The following CAPRIN2 variants were observed in gnomAD, a reference collection of about 807,000 sequenced individuals.
CAPRIN2 encodes the protein caprin family member 2.
CAPRIN2 carries 66 observed loss-of-function variants against 130.4 expected under a neutral mutation model. That is an observed-to-expected ratio of 0.51 (90% CI 0.42 to 0.62). The LOEUF is 0.62. Ranked by LOEUF, CAPRIN2 falls within the 20% of genes least tolerant of loss-of-function variation. The probability of loss-of-function intolerance (pLI) is 0.00; values close to 1 mark genes in which losing one functional copy is unlikely to be tolerated. For synonymous variants in CAPRIN2, 471 were observed against 444.1 expected (o/e 1.06, Z -0.76); for missense variants, 1,185 against 1,246.6 (o/e 0.95, Z 0.74).
chr12:30,716,301 C>G, intron 13 of CAPRIN2: 1 of 490,522 alleles, frequency 2.0e-6, no homozygotes, highest in Non-Finnish European at 3.6e-6. Context: ...CATCTAAGTT[C>G]TATCTCTACA....
intron 2 of CAPRIN2, among the ~76,000 whole-genome samples, chr12:30,744,029 C>T (rs541533933): frequency 1.3e-5 from 2 of 152,284 alleles, no homozygotes; most frequent in Admixed American, 6.5e-5. Flanking sequence ...CTCCCAAAAC[C>T]TCCTTCTGCC....
chr12:30,715,424 C>A, intron 13 of CAPRIN2: 1 of 513,264 alleles, frequency 1.9e-6, no homozygotes. Flanking sequence ...TTCAAAAGCA[C>A]AAATATTGTA....
chr12:30,727,273 G>C (rs1031877911), intron 8 of CAPRIN2, among the ~76,000 whole-genome samples: 2 of 152,026 alleles, frequency 1.3e-5, no homozygotes, highest in Non-Finnish European at 2.9e-5. Context: ...TCTTCTGTAG[G>C]GTCAGGAAGA....
chr12:30,730,120 A>G (rs1219829022), intron 7 of CAPRIN2, 119 bp downstream of exon 8: 13 of 754,768 alleles, frequency 1.7e-5, no homozygotes, highest in Non-Finnish European at 2.9e-5. Context: ...CTAAGCTAGT[A>G]AACTGCAGAA....
In CAPRIN2 at chr12:30,710,446, A is replaced by G. The variant is rs756585609; in HGVS notation, c.2690T>C (p.Val897Ala). The G allele has an allele frequency of 1.9e-6, 3 of 1,614,070 alleles. No homozygotes were observed. Among genetic ancestry groups the G allele is most frequent in the South Asian group, 2.2e-5 (2 of 91,082 alleles). ...TTCGTTGTCTCTTTCTGGGCTGCTCACCTGAGAAGAATCACTCCACCCTGC... is the reference window on the plus strand; with the variant it reads ...TTCGTTGTCTCTTTCTGGGCTGCTCGCCTGAGAAGAATCACTCCACCCTGC... The change falls in exon 17 of 17, where the codon GTG (valine) becomes GCG (alanine). Residue 897 changes from valine (V) to alanine (A), a missense_variant. By Grantham distance (64) the Val-to-Ala change is moderately conservative. Coordinates refer to ENST00000298892, the Ensembl canonical transcript of CAPRIN2. This position sits in a 1 kb window ranked among gnomAD's most constrained non-coding sequence, Gnocchi z 4.8.
At chr12:30,725,079 C>T (rs1386870603) in intron 9 of CAPRIN2, among the ~76,000 whole-genome samples, 1 of 152,202 alleles carries the variant, frequency 6.6e-6, no homozygotes, top group African/African-American at 2.4e-5. Flanking sequence ...AGGTCCTAAA[C>T]ATAGCCATCA....
chr12:30,741,092 T>C (rs2067235107), exon 3 of CAPRIN2: 1 of 1,605,660 alleles, frequency 6.2e-7, no homozygotes, highest in Non-Finnish European at 8.5e-7. Flanking sequence ...CTTCTTCATA[T>C]TTCTCTACAG....
chr12:30,723,262 T>C, exon 11 of CAPRIN2: 1 of 1,608,936 alleles, frequency 6.2e-7, no homozygotes, highest in Non-Finnish European at 8.5e-7. Context: ...AAGTTACCTG[T>C]AACGGCTCTT....
At chr12:30,741,104 T>C (rs1485315529) in exon 3 of CAPRIN2, 1 of 1,591,186 alleles carries the variant, frequency 6.3e-7, no homozygotes. Context: ...TCTCTACAGC[T>C]TCCTACCAAA....
At chr12:30,751,526 T>C (rs2073857134) in intron 1 of CAPRIN2, 1 of 222,204 alleles carries the variant, frequency 4.5e-6, no homozygotes, top group South Asian at 6.9e-5. Context: ...TATCACAACT[T>C]GGGAGGGGGA....
In CAPRIN2 at chr12:30,710,067, T is replaced by G. The variant is rs905471781; in HGVS notation, c.3069A>C (p.Ser1023=). ...CTGGAGCACCATCATTGGCATAGGC[T>G]GATACCAAGACCTCTTCATTCTTCA... is the stretch of plus-strand genomic sequence containing the variant. Residue 1023 remains serine (S), a synonymous_variant, in exon 17 of 17, where the codon TCA becomes TCC. Transcript: ENST00000298892. This position sits in a 1 kb window ranked among gnomAD's most constrained non-coding sequence, Gnocchi z 4.8. The G allele has an allele frequency of 1.2e-6, 2 of 1,614,058 alleles. No homozygotes were observed. Among genetic ancestry groups the G allele is most frequent in the Non-Finnish European group, 1.7e-6 (2 of 1,180,034 alleles).
At chr12:30,715,762 A>C (rs559137399) in intron 13 of CAPRIN2, 88 of 196,906 alleles carry the variant, frequency 4.5e-4, no homozygotes, top group South Asian at 1.0e-3. Context: ...AATATCTGAG[A>C]AGGCACCTGA....
chr12:30,742,419 T>C (rs565108337), intron 2 of CAPRIN2, among the ~76,000 whole-genome samples: 1 of 152,126 alleles, frequency 6.6e-6, no homozygotes, highest in South Asian at 2.1e-4. Flanking sequence ...ATGATAGATA[T>C]GTACCCTGAA....
chr12:30,719,995 CTACT>C (rs1483401870), intron 12 of CAPRIN2: 2 of 152,162 alleles, frequency 1.3e-5, no homozygotes, highest in African/African-American at 4.8e-5. Context: ...AAAATTCATC[CTACT>C]ATGTCCATCT....
chr12:30,752,296 G>A (rs1370082361), intron 1 of CAPRIN2, among the ~76,000 whole-genome samples: 1 of 152,046 alleles, frequency 6.6e-6, no homozygotes, highest in African/African-American at 2.4e-5. Context: ...TTCCCAGAAG[G>A]TTGAAACAAA....
At chr12:30,747,403 C>T (rs1027080167) in intron 2 of CAPRIN2, among the ~76,000 whole-genome samples, 3 of 152,058 alleles carry the variant, frequency 2.0e-5, no homozygotes, top group African/African-American at 4.8e-5. Flanking sequence ...TTTGGCCGGG[C>T]GTGATGGCTC....
chr12:30,716,050 T>G (rs1426918349), intron 13 of CAPRIN2: 2 of 157,102 alleles, frequency 1.3e-5, no homozygotes, highest in African/African-American at 4.8e-5. Context: ...TAGAACAGCA[T>G]GAAAAATCAA....
Position 30,753,459 on chromosome 12 carries a change from C to T in CAPRIN2, c.305G>A (p.Ser102Asn), listed in dbSNP as rs573013586. 324 of 1,614,144 alleles carry T rather than the reference C, an allele frequency of 2.0e-4. 7 individuals are homozygous for T. In the South Asian group the frequency reaches 3.1e-3, roughly 15 times the overall value. The stretch of plus-strand genomic sequence containing the variant: ...AGAACTCAGAGTAGACTGCAGGGGG[C>T]TCAAGGCCCGCTGGCTTTCCCCATG... The change falls in exon 1 of 17, where the codon AGC (serine) becomes AAC (asparagine). Residue 102 changes from serine to asparagine, a missense_variant. By Grantham distance (46) the Ser-to-Asn change is conservative. Transcript: ENST00000298892.
chr12:30,713,931 T>C (rs2056411265), intron 14 of CAPRIN2, 46 bp from the exon 17 acceptor site: 1 of 1,094,592 alleles, frequency 9.1e-7, no homozygotes, highest in South Asian at 1.3e-5. Flanking sequence ...AAAATCATAT[T>C]AAACTTTTAA....
Sources: allele counts gnomAD v4.1 joint callset (sites outside exome capture counted in the v4.1 genomes callset), GRCh38; gene constraint gnomAD v4.1.1; non-coding constraint Gnocchi (gnomAD v3.1); transcripts MANE v1.5; gene names NCBI Gene and HGNC (gene_info 2026-07-23, HGNC 2026-07-21).